CFAP77: variants seen among roughly 807,000 people sequenced by gnomAD.
The protein encoded by CFAP77 is cilia and flagella associated protein 77, also known as cilia- and flagella-associated protein 77.
In CFAP77, 25 loss-of-function variants were observed where a neutral mutation model predicts 31.1. The observed-to-expected ratio is 0.80, with a 90% CI of 0.59 to 1.12. CFAP77 has a LOEUF of 1.12. Ranked by LOEUF, CFAP77 falls within the 50% of genes most tolerant of loss-of-function variation. CFAP77 has a pLI of 0.00. For missense variants in CFAP77, 377 were observed against 397.3 expected (o/e 0.95, Z 0.44); for synonymous variants, 151 against 159.9 (o/e 0.94, Z 0.42).
Position 132,410,283 on chromosome 9 carries a change from C to T in CFAP77, c.12C>T (p.Ala4=), listed in dbSNP as rs559748494. Residue 4 remains alanine (A), a synonymous_variant, in exon 1 of 6, where the codon GCC becomes GCT. Coordinates refer to ENST00000393216, the MANE Select transcript of CFAP77 (RefSeq NM_001282957.2). MPE[A]RSSGPDLTRW... Reference sequence around the variant, plus strand: ...CGGCGACCTCAAGGATGCCAGAGGCCAGGAGCTCCGGCCCGGACCTCACGC... The same window carrying T: ...CGGCGACCTCAAGGATGCCAGAGGCTAGGAGCTCCGGCCCGGACCTCACGC... 3 of 1,578,430 alleles carry T rather than the reference C, an allele frequency of 1.9e-6. No individual in the cohort carries two copies. The highest frequency in any genetic ancestry group is 1.7e-6 in the Non-Finnish European group (2 of 1,164,394).
chr9:132,438,834 C>G (rs901337745), intron 1 of CFAP77, among the ~76,000 whole-genome samples: 1 of 150,680 alleles, frequency 6.6e-6, no homozygotes, highest in Non-Finnish European at 1.5e-5. Context: ...CGCACCTGAC[C>G]GGCCAACATT....
intron 5 of CFAP77, among the ~76,000 whole-genome samples, chr9:132,571,787 C>T (rs953258380): frequency 6.6e-6 from 1 of 152,012 alleles, no homozygotes; most frequent in Non-Finnish European, 1.5e-5. Context: ...GGTCTTCACC[C>T]ACCACCATTT....
chr9:132,506,564 T>G (rs960383524), intron 3 of CFAP77, among the ~76,000 whole-genome samples: 6 of 151,794 alleles, frequency 4.0e-5, no homozygotes, highest in Admixed American at 3.9e-4. Flanking sequence ...AAGACACAGA[T>G]GCCAGCAGGA....
intron 3 of CFAP77, among the ~76,000 whole-genome samples, chr9:132,514,963 C>T (rs1281822376): frequency 6.6e-6 from 1 of 152,142 alleles, no homozygotes; most frequent in African/African-American, 2.4e-5. Flanking sequence ...GCTCAGCCCC[C>T]CAGCCCGCCC....
At chr9:132,548,039 C>T (rs1028404332) in intron 5 of CFAP77, among the ~76,000 whole-genome samples, 2 of 152,146 alleles carry the variant, frequency 1.3e-5, no homozygotes, top group Non-Finnish European at 1.5e-5. Flanking sequence ...ATGACAATGG[C>T]GAAAGACTGG....
At chr9:132,460,124 CCAGGGGATAGTT>C (rs1427582810) in intron 1 of CFAP77, among the ~76,000 whole-genome samples, 5 of 152,072 alleles carry the variant, frequency 3.3e-5, no homozygotes, top group Non-Finnish European at 7.4e-5. Context: ...TATGGATGTA[CCAGGGGATAGTT>C]CAGAAAAGCT....
intron 1 of CFAP77, among the ~76,000 whole-genome samples, chr9:132,429,021 CTG>C (rs1445451537): frequency 6.6e-6 from 1 of 152,102 alleles, no homozygotes; most frequent in Non-Finnish European, 1.5e-5. Context: ...CTGGGGACCT[CTG>C]TCTTGTTTTC....
At chr9:132,550,441 T>G (rs1852805071) in intron 5 of CFAP77, among the ~76,000 whole-genome samples, 1 of 151,000 alleles carries the variant, frequency 6.6e-6, no homozygotes, top group Admixed American at 6.6e-5. Flanking sequence ...AGAATAAATC[T>G]CCGATGATCT....
intron 1 of CFAP77, among the ~76,000 whole-genome samples, chr9:132,447,629 G>T (rs531268842): frequency 6.6e-6 from 1 of 152,346 alleles, no homozygotes; most frequent in African/African-American, 2.4e-5. Flanking sequence ...TACACACAGC[G>T]TGTCCGCCGT....
intron 1 of CFAP77, chr9:132,482,436 A>G: frequency 6.3e-7 from 1 of 1,590,862 alleles, no homozygotes. Flanking sequence ...TCCTTCTGCT[A>G]AAATAATGTC....
intron 3 of CFAP77, among the ~76,000 whole-genome samples, chr9:132,522,747 G>A (rs1852289797): frequency 6.6e-6 from 1 of 152,200 alleles, no homozygotes. Flanking sequence ...ATGGCTCCAG[G>A]AAGGCAGGAT....
At position 132,481,512 on chromosome 9, in the gene CFAP77, C is replaced by A. The variant is rs917580092; in HGVS notation, c.196-17183C>A. 6.6e-6 allele frequency among the ~76,000 whole-genome samples: 1 copy of A among 152,230 alleles called. No individual in the cohort carries two copies. Among genetic ancestry groups the A allele is most frequent in the African/African-American group, 2.4e-5 (1 of 41,462 alleles). On this transcript the variant is annotated intron_variant, in intron 1 of 5. Coordinates refer to ENST00000393216, the MANE Select transcript of CFAP77 (RefSeq NM_001282957.2). The surrounding 1 kb of genome is among the most constrained non-coding windows in gnomAD (Gnocchi z 5.0). ...AAGGTACCGAGCACAGTGGCTTGCA[C>A]CCCGTCGGTGGCTGCTGCCCCGCTC...
intron 1 of CFAP77, among the ~76,000 whole-genome samples, chr9:132,489,570 A>G (rs955055052): frequency 6.6e-6 from 1 of 152,220 alleles, no homozygotes; most frequent in African/African-American, 2.4e-5. Context: ...GGCACAGGAC[A>G]TCCTGTGTGC....
chr9:132,484,813 G>A (rs1851510080), intron 1 of CFAP77, among the ~76,000 whole-genome samples: 1 of 150,898 alleles, frequency 6.6e-6, no homozygotes, highest in Non-Finnish European at 1.5e-5. Flanking sequence ...AAGTGGCATT[G>A]CTGGGTCATA....
At chr9:132,486,883 C>T (rs1028939263) in intron 1 of CFAP77, among the ~76,000 whole-genome samples, 1 of 152,242 alleles carries the variant, frequency 6.6e-6, no homozygotes, top group East Asian at 1.9e-4. Context: ...TCACCGTGAC[C>T]GCCTCACACG....
At chr9:132,542,873 C>A (rs775046680) in intron 4 of CFAP77, 73 bp from the exon 5 acceptor site, 14 of 1,193,100 alleles carry the variant, frequency 1.2e-5, no homozygotes, top group Non-Finnish European at 1.8e-5. Flanking sequence ...CCCTCTGTCT[C>A]TATATCCCTT....
At chr9:132,568,666 C>A (rs543025475) in intron 5 of CFAP77, among the ~76,000 whole-genome samples, 1 of 151,390 alleles carries the variant, frequency 6.6e-6, no homozygotes, top group East Asian at 1.9e-4. Context: ...CTCCAATAAA[C>A]AAAACAGCAA....
chr9:132,477,195 G>A (rs780615320), intron 1 of CFAP77, among the ~76,000 whole-genome samples: 18 of 152,198 alleles, frequency 1.2e-4, no homozygotes, highest in Non-Finnish European at 2.2e-4. Context: ...TGCCTCTGGC[G>A]ATTAGCAAGG....
chr9:132,561,147 C>T (rs1272193085), intron 5 of CFAP77, among the ~76,000 whole-genome samples: 1 of 152,174 alleles, frequency 6.6e-6, no homozygotes, highest in Admixed American at 6.5e-5. Context: ...CCTCTGACCT[C>T]CAGCTGCCCC....
Sources: gnomAD v4.1 joint callset for allele counts (sites outside exome capture counted in the v4.1 genomes callset) on GRCh38, gnomAD v4.1.1 for gene constraint, Gnocchi (gnomAD v3.1) non-coding constraint, MANE v1.5 for transcripts, NCBI Gene and HGNC (gene_info 2026-07-23, HGNC 2026-07-21) for gene names.